TSBP1: variants seen among roughly 807,000 people sequenced by gnomAD.
The protein encoded by TSBP1 is testis-expressed basic protein 1.
TSBP1 carries 56 observed loss-of-function variants against 68.8 expected under a neutral mutation model. That is an observed-to-expected ratio of 0.81 (90% CI 0.66 to 1.02). The LOEUF is 1.02. Among genes scored for constraint, TSBP1 ranks in the 50% least tolerant of loss-of-function variants. The pLI, the probability that TSBP1 is intolerant of heterozygous loss-of-function variation, is 0.00. For missense variants in TSBP1, 502 were observed against 641.2 expected (o/e 0.78, Z 2.34); for synonymous variants, 171 against 208.7 (o/e 0.82, Z 1.56).
intron 19 of TSBP1, among the ~76,000 whole-genome samples, chr6:32,313,267 G>A (rs34729596): frequency 0.21 from 30,995 of 146,664 alleles, 3,320 homozygotes; most frequent in East Asian, 0.22. Context: ...GACATTTACT[G>A]TATGTTTACT....
chr6:32,368,711 A>G, intron 3 of TSBP1, 71 bp downstream of exon 3: 2 of 1,464,924 alleles, frequency 1.4e-6, no homozygotes, highest in Non-Finnish European at 1.9e-6. Context: ...TAAACAAGAC[A>G]GATTTCTTTC....
chr6:32,353,525 A>G (rs114102860), intron 8 of TSBP1, among the ~76,000 whole-genome samples: 5,945 of 152,098 alleles, frequency 0.039, 333 homozygotes, highest in African/African-American at 0.12. Flanking sequence ...TGAAATTTCA[A>G]TGAAATCCTA....
chr6:32,344,626 A>G (rs1770765365), intron 9 of TSBP1, among the ~76,000 whole-genome samples: 1 of 151,876 alleles, frequency 6.6e-6, no homozygotes, highest in African/African-American at 2.4e-5. Flanking sequence ...AGAAGATCAG[A>G]AAAAAAATCC....
chr6:32,317,441 A>G (rs1767081808), intron 18 of TSBP1, among the ~76,000 whole-genome samples: 1 of 152,238 alleles, frequency 6.6e-6, no homozygotes, highest in Admixed American at 6.5e-5. Flanking sequence ...CTGTAACAAA[A>G]GCAAAAATTG....
At chr6:32,334,122 C>G (rs1444679513) in intron 14 of TSBP1, 1 of 156,606 alleles carries the variant, frequency 6.4e-6, no homozygotes, top group Non-Finnish European at 1.4e-5. Flanking sequence ...ATATTTTCTT[C>G]CTTCCTTTCC....
intron 19 of TSBP1, among the ~76,000 whole-genome samples, chr6:32,311,110 C>T (rs891689407): frequency 2.0e-5 from 3 of 152,092 alleles, no homozygotes; most frequent in African/African-American, 7.2e-5. Context: ...TACTGGTTCT[C>T]CTTCTTTCTC....
chr6:32,348,239 T>G (rs3117125), intron 9 of TSBP1, among the ~76,000 whole-genome samples: 126,554 of 152,126 alleles, frequency 0.83, 52,765 homozygotes, highest in South Asian at 0.92. Flanking sequence ...AGAAACTGAA[T>G]ATTTGAGTTT....
At position 32,304,660 on chromosome 6, in the gene TSBP1, C is replaced by A. The variant is rs9268167; in HGVS notation, c.581-2031G>T. On this transcript the variant is annotated intron_variant, in intron 19 of 22. Transcript: ENST00000612031. This position sits in a 1 kb window ranked among gnomAD's most constrained non-coding sequence, Gnocchi z 4.8. The stretch of plus-strand genomic sequence containing the variant: ...TAGTTAAAGGTTACTAATTTATGTT[C>A]TCTCTTCATCGTCTTTTTTGTCTTT... Among the ~76,000 whole-genome samples, 37,868 of 151,822 alleles carry A rather than the reference C, an allele frequency of 0.25. 5,055 individuals are homozygous for A. The highest frequency in any genetic ancestry group is 0.33 in the African/African-American group (13,817 of 41,384).
intron 3 of TSBP1, 65 bp downstream of exon 3, chr6:32,368,717 C>A: frequency 6.8e-7 from 1 of 1,477,118 alleles, no homozygotes; most frequent in Non-Finnish European, 9.3e-7. Context: ...AGACAGATTT[C>A]TTTCCTGACT....
chr6:32,355,182 A>G, intron 7 of TSBP1, 38 bp from the exon 8 acceptor site: 1 of 1,606,308 alleles, frequency 6.2e-7, no homozygotes, highest in East Asian at 2.2e-5. Flanking sequence ...GTGAATCATG[A>G]GAGTTTGGAT....
chr6:32,371,473 C>T (rs2127671594), intron 1 of TSBP1, among the ~76,000 whole-genome samples: 1 of 152,272 alleles, frequency 6.6e-6, no homozygotes, highest in South Asian at 2.1e-4. Flanking sequence ...ACTCTAGAAA[C>T]CAAAGGAGAA....
intron 3 of TSBP1, among the ~76,000 whole-genome samples, chr6:32,368,491 G>A (rs145147432): frequency 6.6e-6 from 1 of 152,260 alleles, no homozygotes; most frequent in African/African-American, 2.4e-5. Context: ...GCCTGAACTG[G>A]AACAGTTCTC....
chr6:32,354,506 A>T (rs1256777164), intron 8 of TSBP1, among the ~76,000 whole-genome samples: 1 of 152,154 alleles, frequency 6.6e-6, no homozygotes, highest in South Asian at 2.1e-4. Context: ...ATTAATAGCT[A>T]CTAAAATTTA....
At position 32,306,081 on chromosome 6, in the gene TSBP1, A is replaced by G. The variant is rs1765754412; in HGVS notation, c.581-3452T>C. 1.3e-5 allele frequency among the ~76,000 whole-genome samples: 2 copies of G among 152,264 alleles called. No homozygotes were observed. The highest frequency in any genetic ancestry group is 4.8e-5 in the African/African-American group (2 of 41,470). ...TGTATGACAGTGAAACAGCAAAATAACTAACATGAACTCTTTTTTTGTTTA... is the reference window on the plus strand; with the variant it reads ...TGTATGACAGTGAAACAGCAAAATAGCTAACATGAACTCTTTTTTTGTTTA... On this transcript the variant is annotated intron_variant, in intron 19 of 22. Coordinates refer to ENST00000612031, the Ensembl canonical transcript of TSBP1. This position sits in a 1 kb window ranked among gnomAD's most constrained non-coding sequence, Gnocchi z 5.1.
At chr6:32,366,502 G>A (rs1165163786) in intron 4 of TSBP1, 200 bp from the exon 5 acceptor site, 5 of 611,056 alleles carry the variant, frequency 8.2e-6, no homozygotes, top group Admixed American at 2.6e-5. Flanking sequence ...GGTGGCTCAC[G>A]CCTATGTTCC....
Position 32,335,345 on chromosome 6 carries a change from G to T in TSBP1, c.472+92C>A. 1 of 1,221,020 alleles carries T rather than the reference G, an allele frequency of 8.2e-7. No individual in the cohort carries two copies. Among genetic ancestry groups the T allele is most frequent in the Non-Finnish European group, 1.1e-6 (1 of 910,262 alleles). The allele number at this position is 1,221,020 out of a possible 1,614,324, so 75.6% of individuals were successfully genotyped here. A position where few individuals can be genotyped will look rare whatever the true frequency, so the allele number is the denominator to read the frequency against. On this transcript the variant is annotated intron_variant, in intron 14 of 22. Transcript: ENST00000612031. The surrounding 1 kb of genome is among the most constrained non-coding windows in gnomAD (Gnocchi z 5.5). ...GAGGTGGCAGAAGGACTTGATCCTT[G>T]AGTCCTTGGGCATGAATAATTGAAA...
chr6:32,322,492 T>G lies in TSBP1; in HGVS notation c.559+625A>C, dbSNP rs774289694. The G allele has an allele frequency of 1.9e-6, 3 of 1,604,984 alleles. No homozygotes were observed. The South Asian group carries it at 3.3e-5, about 18-fold the overall frequency. On this transcript the variant is annotated intron_variant, in intron 18 of 22. Transcript: ENST00000612031. Reference sequence around the variant, plus strand: ...TGAGAAGTAGAGTACTTACTTGCGGTTCTCTGTGAAATTACTGAAAAATAA... The same window carrying G: ...TGAGAAGTAGAGTACTTACTTGCGGGTCTCTGTGAAATTACTGAAAAATAA...
chr6:32,312,956 A>G (rs1766558034), intron 19 of TSBP1, among the ~76,000 whole-genome samples: 1 of 152,154 alleles, frequency 6.6e-6, no homozygotes, highest in Non-Finnish European at 1.5e-5. Flanking sequence ...ATCTTTTAAA[A>G]TTATAAAGTA....
intron 9 of TSBP1, among the ~76,000 whole-genome samples, chr6:32,344,037 T>C (rs1220889070): frequency 6.6e-6 from 1 of 151,610 alleles, no homozygotes; most frequent in Non-Finnish European, 1.5e-5. Context: ...GTTAAATGAC[T>C]ATGCAAAGTT....
Sources: gnomAD v4.1 joint callset for allele counts (sites outside exome capture counted in the v4.1 genomes callset) on GRCh38, gnomAD v4.1.1 for gene constraint, Gnocchi (gnomAD v3.1) non-coding constraint, MANE v1.5 for transcripts, NCBI Gene and HGNC (gene_info 2026-07-23, HGNC 2026-07-21) for gene names.